Variants in CSMD3 observed in about 807,000 individuals in gnomAD.
The protein encoded by CSMD3 is CUB and sushi domain-containing protein 3.
CSMD3 carries 177 observed loss-of-function variants against 435.2 expected under a neutral mutation model. The ratio of observed to expected loss-of-function variants is 0.41; its 90% CI spans 0.36 to 0.46. CSMD3 has a LOEUF of 0.46. Among genes scored for constraint, CSMD3 ranks in the 20% least tolerant of loss-of-function variants. CSMD3 has a pLI of 0.34. For synonymous variants in CSMD3, 1,656 were observed against 1,520.5 expected (o/e 1.09, Z -2.07); for missense variants, 4,265 against 4,504.6 (o/e 0.95, Z 1.52).
At chr8:112,767,228 C>G (rs1027022339) in intron 13 of CSMD3, among the ~76,000 whole-genome samples, 4 of 151,696 alleles carry the variant, frequency 2.6e-5, no homozygotes, top group African/African-American at 7.3e-5. Flanking sequence ...AGAAAAATGC[C>G]TCAGAAACAA....
chr8:113,106,483 A>G (rs1480928449), intron 4 of CSMD3, among the ~76,000 whole-genome samples: 4 of 152,242 alleles, frequency 2.6e-5, no homozygotes, highest in South Asian at 2.1e-4. Context: ...GGAAAATACC[A>G]AACAGTTGAA....
At chr8:113,343,964 C>A (rs1009655661) in intron 1 of CSMD3, among the ~76,000 whole-genome samples, 3 of 151,894 alleles carry the variant, frequency 2.0e-5, no homozygotes, top group African/African-American at 4.8e-5. Context: ...TAATTTTCTA[C>A]AAAAATACTG....
chr8:113,392,957 A>ATGTG (rs10562507), intron 1 of CSMD3, among the ~76,000 whole-genome samples: 1 of 20,910 alleles, frequency 4.8e-5, no homozygotes, highest in African/African-American at 9.4e-5. Flanking sequence ...ATATATATAT[A>ATGTG]TGTGTGTGTG....
chr8:112,762,849 A>G (rs1164850225), intron 13 of CSMD3, among the ~76,000 whole-genome samples: 1 of 151,846 alleles, frequency 6.6e-6, no homozygotes, highest in Admixed American at 6.6e-5. Context: ...AGTCTAAAAA[A>G]GTTGATCTCA....
intron 27 of CSMD3, among the ~76,000 whole-genome samples, chr8:112,534,515 C>A (rs1004842953): frequency 1.8e-4 from 28 of 152,242 alleles, no homozygotes; most frequent in Non-Finnish European, 1.9e-4. Context: ...CAATTACAGG[C>A]TCTGAAATTG....
intron 13 of CSMD3, among the ~76,000 whole-genome samples, chr8:112,759,195 G>A (rs1297483885): frequency 6.6e-6 from 1 of 152,052 alleles, no homozygotes; most frequent in African/African-American, 2.4e-5. Context: ...CTGACTTTCA[G>A]GAGGAAGACA....
chr8:112,396,726 T>C (rs1830890684), intron 35 of CSMD3, among the ~76,000 whole-genome samples: 1 of 152,100 alleles, frequency 6.6e-6, no homozygotes, highest in African/African-American at 2.4e-5. Flanking sequence ...AAAACCAATA[T>C]AGTGACAATG....
At chr8:112,741,051 G>A (rs182048112) in intron 13 of CSMD3, among the ~76,000 whole-genome samples, 37 of 151,954 alleles carry the variant, frequency 2.4e-4, no homozygotes, top group Admixed American at 2.4e-3. Flanking sequence ...GAGGTCAGAG[G>A]ATAAAAGGAC....
chr8:112,357,443 C>T (rs1826727821), intron 38 of CSMD3, among the ~76,000 whole-genome samples: 1 of 152,058 alleles, frequency 6.6e-6, no homozygotes, highest in South Asian at 2.1e-4. Context: ...AAAAGAAAAT[C>T]CCATTTTCTG....
At chr8:113,243,387 T>C (rs1157965869) in intron 3 of CSMD3, among the ~76,000 whole-genome samples, 1 of 145,366 alleles carries the variant, frequency 6.9e-6, no homozygotes, top group Non-Finnish European at 1.5e-5. Context: ...GATTGTAGTC[T>C]TCTGTTTTCA....
At chr8:112,879,361 A>G (rs890293678) in intron 10 of CSMD3, among the ~76,000 whole-genome samples, 3 of 152,070 alleles carry the variant, frequency 2.0e-5, no homozygotes, top group Admixed American at 6.5e-5. Context: ...TCCTAGTCAG[A>G]TGGGTTCTCT....
chr8:112,657,714 T>C (rs2075289549), intron 17 of CSMD3, among the ~76,000 whole-genome samples: 1 of 152,200 alleles, frequency 6.6e-6, no homozygotes, highest in African/African-American at 2.4e-5. Context: ...TATGATGATC[T>C]TGAAGCCTCG....
Position 113,019,071 on chromosome 8 carries a change from A to T in CSMD3, c.1026T>A (p.Tyr342Ter). 6.3e-7 allele frequency: 1 copy of T among 1,595,130 alleles called. No homozygotes were observed. Among genetic ancestry groups the T allele is most frequent in the Non-Finnish European group, 8.6e-7 (1 of 1,162,728 alleles). The change falls in exon 6 of 71, where the codon TAT (tyrosine) becomes TAA (stop). Residue 342 changes from tyrosine (Y) to a stop codon, truncating the protein, a stop_gained. Coordinates refer to ENST00000297405, the MANE Select transcript of CSMD3 (RefSeq NM_198123.2). LOFTEE classifies it high-confidence loss of function. The part of the protein sequence containing the change: ...NHRYRGFSAP[Y>*]QGSSTLTHTT... ...AAAGGTATTCCATAAGTATACCTTG[A>T]TAGGGAGCACTAAATCCACGGTATC...
At chr8:113,366,232 G>T (rs2133023997) in intron 1 of CSMD3, among the ~76,000 whole-genome samples, 1 of 152,064 alleles carries the variant, frequency 6.6e-6, no homozygotes, top group Middle Eastern at 3.4e-3. Flanking sequence ...TCTTTGTGCA[G>T]ATTTCTGCTT....
At chr8:112,972,233 G>A (rs1028281065) in intron 7 of CSMD3, among the ~76,000 whole-genome samples, 1 of 151,706 alleles carries the variant, frequency 6.6e-6, no homozygotes, top group South Asian at 2.1e-4. Flanking sequence ...AGTTTAACTG[G>A]AATGTGAATA....
At chr8:112,690,396 T>C (rs1485008738) in intron 13 of CSMD3, among the ~76,000 whole-genome samples, 1 of 151,998 alleles carries the variant, frequency 6.6e-6, no homozygotes, top group African/African-American at 2.4e-5. Flanking sequence ...CATAAATGTA[T>C]ATTTCCCTCA....
At chr8:113,330,157 A>T (rs1348950603) in intron 1 of CSMD3, among the ~76,000 whole-genome samples, 2 of 152,126 alleles carry the variant, frequency 1.3e-5, no homozygotes, top group East Asian at 1.9e-4. Flanking sequence ...ACATTTAATA[A>T]TAAAATGCTA....
intron 3 of CSMD3, among the ~76,000 whole-genome samples, chr8:113,219,835 T>C (rs535671594): frequency 1.7e-3 from 250 of 151,508 alleles, no homozygotes; most frequent in South Asian, 2.1e-3. Context: ...GGAAAATACA[T>C]AATAAGCCAA....
chr8:112,303,468 T>C (rs1821119708), intron 52 of CSMD3, among the ~76,000 whole-genome samples: 4 of 152,038 alleles, frequency 2.6e-5, no homozygotes, highest in Admixed American at 2.6e-4. Flanking sequence ...ACTGACAGAA[T>C]TGTTTGAACC....
Sources: gnomAD v4.1 joint callset for allele counts (sites outside exome capture counted in the v4.1 genomes callset) on GRCh38, gnomAD v4.1.1 for gene constraint, MANE v1.5 for transcripts, NCBI Gene and HGNC (gene_info 2026-07-23, HGNC 2026-07-21) for gene names.